TMEM145: variants seen among roughly 807,000 people sequenced by gnomAD.
The protein encoded by TMEM145 is transmembrane protein 145.
A neutral mutation model predicts 68.5 loss-of-function variants in TMEM145; 46 were observed. The ratio of observed to expected loss-of-function variants is 0.67; its 90% CI spans 0.53 to 0.86. TMEM145 has a LOEUF of 0.86. Among genes scored for constraint, TMEM145 ranks in the 40% least tolerant of loss-of-function variants. TMEM145 has a pLI of 0.00. For synonymous variants in TMEM145, 255 were observed against 280.2 expected (o/e 0.91, Z 0.90); for missense variants, 570 against 645.8 (o/e 0.88, Z 1.27).
chr19:42,324,631 G>GC, intron 14 of TMEM145, 106 bp from the exon 15 acceptor site: 1 of 713,606 alleles, frequency 1.4e-6, no homozygotes, highest in Non-Finnish European at 1.7e-6. Context: ...CGGCCTTCCC[G>GC]ACCCTTCCCA....
Position 42,313,522 on chromosome 19 carries a change from G to A in TMEM145, c.120+26G>A. The A allele has an allele frequency of 7.9e-7, 1 of 1,258,752 alleles. No individual in the cohort carries two copies. Among genetic ancestry groups the A allele is most frequent in the Non-Finnish European group, 1.0e-6 (1 of 995,416 alleles). The allele number at this position is 1,258,752 out of a possible 1,614,324, so 78.0% of individuals were successfully genotyped here. A position where few individuals can be genotyped will look rare whatever the true frequency, so the allele number is the denominator to read the frequency against. The stretch of plus-strand genomic sequence containing the variant: ...GTGAGCATGCCGAGCCCTCCTCTGC[G>A]GCCCGCCGGCCCCCGGGGGACGCAA... On this transcript the variant is annotated intron_variant, in intron 1 of 14. Transcript: ENST00000301204. The surrounding 1 kb of genome is among the most constrained non-coding windows in gnomAD (Gnocchi z 5.1).
Position 42,316,746 on chromosome 19 carries a change from C to T in TMEM145, c.806+6C>T, listed in dbSNP as rs374108992. On this transcript the variant is annotated splice_donor_region_variant and intron_variant, in intron 10 of 14. Coordinates refer to ENST00000301204, the MANE Select transcript of TMEM145 (RefSeq NM_173633.3). ...AAGGGATTCACGGTGACACGGTGCC[C>T]GGGCAGGGCGTGCTCGTGGGGCGGC... 3.4e-5 allele frequency: 46 copies of T among 1,364,330 alleles called. No homozygotes were observed. In the African/African-American group the frequency reaches 3.7e-4, roughly 11 times the overall value. The allele number at this position is 1,364,330 out of a possible 1,614,324, so 84.5% of individuals were successfully genotyped here.
intron 8 of TMEM145, among the ~76,000 whole-genome samples, chr19:42,316,273 G>C (rs890871379): frequency 6.7e-6 from 1 of 149,282 alleles, no homozygotes; most frequent in Non-Finnish European, 1.5e-5. Context: ...GGTCTGAGGG[G>C]GTAGGGGGTG....
intron 9 of TMEM145, 24 bp downstream of exon 9, chr19:42,316,585 G>C (rs774888365): frequency 6.2e-7 from 1 of 1,614,050 alleles, no homozygotes; most frequent in Non-Finnish European, 8.5e-7. Context: ...TGGGTGGGGA[G>C]AGGGTGGAGC....
intron 13 of TMEM145, 127 bp from the exon 14 acceptor site, chr19:42,323,456 C>T: frequency 1.2e-6 from 1 of 869,374 alleles, no homozygotes; most frequent in South Asian, 1.6e-5. Context: ...ACGCCTAATC[C>T]AGTGTGAATG....
Position 42,316,337 on chromosome 19 carries a change from T to C in TMEM145, c.647-144T>C, listed in dbSNP as rs567449598. ...GCAGGGTTGGGGGCTGGACTCCAGA[T>C]TCTCCTAGCAGGTGAGTCGGGGTAG... On this transcript the variant is annotated intron_variant, in intron 8 of 14. Transcript: ENST00000301204. 43 of 766,694 alleles carry C rather than the reference T, an allele frequency of 5.6e-5. 1 individual carries two copies. In the Admixed American group the frequency reaches 6.0e-4, roughly 11 times the overall value. The allele number at this position is 766,694 out of a possible 1,614,324, so 47.5% of individuals were successfully genotyped here. A position where few individuals can be genotyped will look rare whatever the true frequency, so the allele number is the denominator to read the frequency against.
rs375182877 is a variant in TMEM145, at chr19:42,320,463, G to A, written c.1194+26G>A. On this transcript the variant is annotated intron_variant, in intron 13 of 14. Coordinates refer to ENST00000301204, the MANE Select transcript of TMEM145 (RefSeq NM_173633.3). ...GTGAGGATGGGCATCTGTGGGGGGT[G>A]GAGGGGAGGACCCGAGGGCAGAAGA... The A allele has an allele frequency of 9.3e-6, 15 of 1,613,142 alleles. No homozygotes were observed. In the African/African-American group the frequency reaches 1.7e-4, roughly 19 times the overall value.
chr19:42,324,288 AG>A, intron 14 of TMEM145: 2 of 984,916 alleles, frequency 2.0e-6, no homozygotes, highest in Non-Finnish European at 2.4e-6. Flanking sequence ...GCCGGGAAGC[AG>A]GTGGAGGAGA....
chr19:42,323,863 CG>C, intron 14 of TMEM145, 74 bp downstream of exon 14: 1 of 1,358,638 alleles, frequency 7.4e-7, no homozygotes, highest in Non-Finnish European at 1.0e-6. Context: ...CTCCCGGCCC[CG>C]CCGCCGCCCC....
rs752963160 is a variant in TMEM145 at position 42,324,873 on chromosome 19, C to G, written c.*56C>G. The G allele has an allele frequency of 6.9e-7, 1 of 1,447,626 alleles. No homozygotes were observed. The highest frequency in any genetic ancestry group is 2.8e-5 in the East Asian group (1 of 36,256). The allele number at this position is 1,447,626 out of a possible 1,614,324, so 89.7% of individuals were successfully genotyped here. ...CCGCCGGGACCCTGCCTGTGACTCTCCAGGACTCTGCGACCCCGGGATGGA... is the reference window on the plus strand; with the variant it reads ...CCGCCGGGACCCTGCCTGTGACTCTGCAGGACTCTGCGACCCCGGGATGGA... On this transcript the variant is annotated 3_prime_UTR_variant, in exon 15 of 15. Transcript: ENST00000301204.
At chr19:42,323,194 C>G (rs2038927578) in intron 13 of TMEM145, among the ~76,000 whole-genome samples, 1 of 152,172 alleles carries the variant, frequency 6.6e-6, no homozygotes, top group Non-Finnish European at 1.5e-5. Context: ...AGCTACTAAC[C>G]ACATGTGGCT....
intron 12 of TMEM145, among the ~76,000 whole-genome samples, chr19:42,319,122 A>C (rs2038887933): frequency 6.6e-6 from 1 of 152,110 alleles, no homozygotes; most frequent in Admixed American, 6.6e-5. Flanking sequence ...ACAAAACAAA[A>C]AAACACCCAA....
At chr19:42,322,166 G>A (rs1483868115) in intron 13 of TMEM145, among the ~76,000 whole-genome samples, 1 of 152,194 alleles carries the variant, frequency 6.6e-6, no homozygotes, top group Non-Finnish European at 1.5e-5. Flanking sequence ...CTCAGAGGCT[G>A]ACATAGGTAC....
At position 42,316,907 on chromosome 19, in the gene TMEM145, G is replaced by C. The variant is rs751974532; in HGVS notation, c.844G>C (p.Val282Leu). The change falls in exon 11 of 15, where the codon GTC (valine) becomes CTC (leucine). Residue 282 changes from valine (V) to leucine (L), a missense_variant. By Grantham distance (32) the Val-to-Leu change is conservative. Coordinates refer to ENST00000301204, the MANE Select transcript of TMEM145 (RefSeq NM_173633.3). Reference sequence around the variant, plus strand: ...CCACGCGGGCTCCGTGAAGTTGTCTGTCTACATGACCCTGTACACGCTCAC... The same window carrying C: ...CCACGCGGGCTCCGTGAAGTTGTCTCTCTACATGACCCTGTACACGCTCAC... ...ISHAGSVKLS[V>L]YMTLYTLTHV... is the part of the protein sequence containing the mutation. 1 of 1,613,812 alleles carries C rather than the reference G, an allele frequency of 6.2e-7. No homozygotes were observed. The highest frequency in any genetic ancestry group is 8.5e-7 in the Non-Finnish European group (1 of 1,179,972).
chr19:42,315,358 A>C lies in TMEM145; in HGVS notation c.578-14A>C. 5 of 1,614,074 alleles carry C rather than the reference A, an allele frequency of 3.1e-6. No homozygotes were observed. Among genetic ancestry groups the C allele is most frequent in the Non-Finnish European group, 4.2e-6 (5 of 1,179,996 alleles). On this transcript the variant is annotated splice_polypyrimidine_tract_variant and intron_variant, in intron 7 of 14. Coordinates refer to ENST00000301204, the MANE Select transcript of TMEM145 (RefSeq NM_173633.3). The stretch of plus-strand genomic sequence containing the variant: ...TTCTGCCTGTGGACAGCCTTTCCCT[A>C]CCTTGCTTCCTAGATTTGCTGAAAG...
Position 42,317,829 on chromosome 19 carries a change from T to C in TMEM145, c.1021T>C (p.Phe341Leu). The C allele has an allele frequency of 1.2e-6, 2 of 1,614,218 alleles. No individual in the cohort carries two copies. The highest frequency in any genetic ancestry group is 1.7e-6 in the Non-Finnish European group (2 of 1,180,036). The stretch of plus-strand genomic sequence containing the variant: ...TGCTGTGCTTGTCTCACTGCGACAC[T>C]TTCCTGAGAAGCAGCCTTTTTATGT... ...CYAVLVSLRH[F>L]PEKQPFYVPF... The change falls in exon 12 of 15, where the codon TTT becomes CTT. Residue 341 changes from phenylalanine (F) to leucine (L), a missense_variant. Physicochemically the swap from Phe to Leu is conservative, Grantham distance 22. Coordinates refer to ENST00000301204, the MANE Select transcript of TMEM145 (RefSeq NM_173633.3).
In TMEM145 at chr19:42,320,450, A is replaced by G. The variant is rs377202953; in HGVS notation, c.1194+13A>G. 69 of 1,613,472 alleles carry G rather than the reference A, an allele frequency of 4.3e-5. No individual in the cohort carries two copies. The highest frequency in any genetic ancestry group is 5.3e-5 in the Non-Finnish European group (63 of 1,179,946). ...TGGCGTGTTTCTGGTGAGGATGGGC[A>G]TCTGTGGGGGGTGGAGGGGAGGACC... On this transcript the variant is annotated intron_variant, in intron 13 of 14. Transcript: ENST00000301204.
Position 42,315,273 on chromosome 19 carries a change from A to C in TMEM145, c.577+14A>C. 6.2e-7 allele frequency: 1 copy of C among 1,611,718 alleles called. No individual in the cohort carries two copies. The highest frequency in any genetic ancestry group is 1.3e-5 in the African/African-American group (1 of 74,962). On this transcript the variant is annotated intron_variant, in intron 7 of 14. Coordinates refer to ENST00000301204, the MANE Select transcript of TMEM145 (RefSeq NM_173633.3). ...GTTACTTTGGATGTGAGTCTGGCAC[A>C]TGGGGTGTGGGGGAAGAGATAGGAG...
intron 6 of TMEM145, 47 bp from the exon 7 acceptor site, chr19:42,315,141 G>A (rs762784378): frequency 6.2e-7 from 1 of 1,614,174 alleles, no homozygotes. Flanking sequence ...TGCCCACTGA[G>A]GGGACATCCA....
Sources: gnomAD v4.1 joint callset for allele counts (sites outside exome capture counted in the v4.1 genomes callset) on GRCh38, gnomAD v4.1.1 for gene constraint, Gnocchi (gnomAD v3.1) non-coding constraint, MANE v1.5 for transcripts, NCBI Gene and HGNC (gene_info 2026-07-23, HGNC 2026-07-21) for gene names.